Variants in ANO3 observed in about 807,000 individuals in gnomAD.
ANO3 encodes anoctamin 3.
In ANO3, 99 loss-of-function variants were observed where a neutral mutation model predicts 144.8. The ratio of observed to expected loss-of-function variants is 0.68; its 90% CI spans 0.58 to 0.81. ANO3 has a LOEUF of 0.81. Ranked by LOEUF, ANO3 falls within the 30% of genes least tolerant of loss-of-function variation. The pLI, the probability that ANO3 is intolerant of heterozygous loss-of-function variation, is 0.00. For missense variants in ANO3, 905 were observed against 1,202.2 expected (o/e 0.75, Z 3.66); for synonymous variants, 414 against 392.6 (o/e 1.05, Z -0.64).
intron 14 of ANO3, among the ~76,000 whole-genome samples, chr11:26,596,001 G>A (rs1401087554): frequency 6.6e-6 from 1 of 152,096 alleles, no homozygotes; most frequent in Non-Finnish European, 1.5e-5. Context: ...GAAGGCTATG[G>A]GTTGTCAGTG....
chr11:26,496,371 CAA>C (rs1860941135), intron 4 of ANO3, among the ~76,000 whole-genome samples: 1 of 152,084 alleles, frequency 6.6e-6, no homozygotes, highest in African/African-American at 2.4e-5. Context: ...ACCTAGGACA[CAA>C]AAAAGTGCTA....
At chr11:26,509,525 C>G (rs1408255235) in intron 5 of ANO3, among the ~76,000 whole-genome samples, 4 of 152,048 alleles carry the variant, frequency 2.6e-5, no homozygotes, top group Non-Finnish European at 5.9e-5. Flanking sequence ...GTTGGCCAGG[C>G]TGGTCTTGAA....
intron 1 of ANO3, among the ~76,000 whole-genome samples, chr11:26,208,682 A>G (rs1233782149): frequency 6.6e-6 from 1 of 152,212 alleles, no homozygotes; most frequent in African/African-American, 2.4e-5. Context: ...AAATACTAAA[A>G]TTAATATCAA....
rs927240953 is a variant in ANO3 at position 26,632,268 on chromosome 11, C to A, written c.1874-1936C>A. ...TCTTTAAAAATATGTACAAACCAGA[C>A]TGGATGCGGTGAGTCACTCTTGTAA... On this transcript the variant is annotated intron_variant, in intron 18 of 26. Coordinates refer to ENST00000256737, the MANE Select transcript of ANO3 (RefSeq NM_031418.4). Among the ~76,000 whole-genome samples, 4 of 150,298 alleles carry A rather than the reference C, an allele frequency of 2.7e-5. No individual in the cohort carries two copies. The Admixed American group carries it at 2.7e-4, about 10-fold the overall frequency.
intron 1 of ANO3, among the ~76,000 whole-genome samples, chr11:26,280,216 T>C (rs1486946958): frequency 6.6e-6 from 1 of 152,196 alleles, no homozygotes; most frequent in East Asian, 1.9e-4. Flanking sequence ...GATTATTACA[T>C]CACTACAAAG....
rs112803492 is a variant in ANO3 at position 26,579,396 on chromosome 11, C to T, written c.1448-18969C>T. On this transcript the variant is annotated intron_variant, in intron 14 of 26. Transcript: ENST00000256737. ...GGAAGAATCTTGATTTGTTCCTTGG[C>T]TCAAAAGTAGGGACAGAAGGAAAAG... is the stretch of plus-strand genomic sequence containing the variant. 9.0e-3 allele frequency among the ~76,000 whole-genome samples: 1,372 copies of T among 152,246 alleles called. 11 individuals carry two copies. The highest frequency in any genetic ancestry group is 0.031 in the African/African-American group (1,298 of 41,530).
At chr11:26,195,912 C>T (rs937201370) in intron 1 of ANO3, among the ~76,000 whole-genome samples, 3 of 152,074 alleles carry the variant, frequency 2.0e-5, no homozygotes, top group Non-Finnish European at 2.9e-5. Flanking sequence ...AAAAAATGTG[C>T]GAAAAATACC....
chr11:26,597,092 AAGTG>A (rs201576009), intron 14 of ANO3, among the ~76,000 whole-genome samples: 1,965 of 152,298 alleles, frequency 0.013, 46 homozygotes, highest in African/African-American at 0.044. Context: ...ACAGAATAGC[AAGTG>A]AAAGTGGTTC....
At chr11:26,407,068 GTGTGTGTGTATATA>G (rs1400220093) in intron 1 of ANO3, among the ~76,000 whole-genome samples, 1 of 96,424 alleles carries the variant, frequency 1.0e-5, no homozygotes, top group Non-Finnish European at 2.2e-5. Context: ...GTGTGTGTGT[GTGTGTGTGTATATA>G]TATATATATA....
chr11:26,522,334 G>A (rs1231879418), intron 6 of ANO3, among the ~76,000 whole-genome samples: 1 of 152,220 alleles, frequency 6.6e-6, no homozygotes, highest in Non-Finnish European at 1.5e-5. Flanking sequence ...TAAAATAGGA[G>A]CATGGGGGTC....
At chr11:26,278,121 G>A (rs12279576) in intron 1 of ANO3, among the ~76,000 whole-genome samples, 6,014 of 152,076 alleles carry the variant, frequency 0.04, 245 homozygotes, top group African/African-American at 0.11. Context: ...GTGTGTGCCC[G>A]TGTGCTTCCG....
At chr11:26,545,733 A>G (rs376612394) in intron 11 of ANO3, among the ~76,000 whole-genome samples, 1 of 151,868 alleles carries the variant, frequency 6.6e-6, no homozygotes, top group African/African-American at 2.4e-5. Flanking sequence ...AAAAACAGAT[A>G]AAAACAGAGC....
intron 5 of ANO3, among the ~76,000 whole-genome samples, chr11:26,511,719 A>G (rs1187633756): frequency 6.6e-6 from 1 of 152,148 alleles, no homozygotes; most frequent in Non-Finnish European, 1.5e-5. Flanking sequence ...CTTTGAATTG[A>G]GATTTGAAAA....
chr11:26,517,573 A>C, intron 6 of ANO3, among the ~76,000 whole-genome samples: 1 of 152,014 alleles, frequency 6.6e-6, no homozygotes, highest in East Asian at 1.9e-4. Flanking sequence ...CAAAGTATTT[A>C]CTCATATTAA....
chr11:26,230,843 A>G (rs998803949), intron 1 of ANO3, among the ~76,000 whole-genome samples: 1 of 116,196 alleles, frequency 8.6e-6, no homozygotes, highest in Non-Finnish European at 1.8e-5. Context: ...AAAAAAGTTT[A>G]TCTTTTTACA....
At chr11:26,468,088 C>G (rs377002042) in intron 4 of ANO3, among the ~76,000 whole-genome samples, 7 of 152,024 alleles carry the variant, frequency 4.6e-5, no homozygotes, top group East Asian at 2.0e-4. Context: ...CCTCTCTCCA[C>G]CAAGGAGCCA....
In ANO3 at chr11:26,333,818, C is replaced by CTA. The variant is rs1197414942; in HGVS notation, c.46+1498_46+1499dup. On this transcript the variant is annotated intron_variant, in intron 1 of 26. Coordinates refer to ENST00000256737, the MANE Select transcript of ANO3 (RefSeq NM_031418.4). ...CCTAGTATGCACTTCTACTTCAACTCTAAACATTTCAAATAAAGTTAAACT... is the reference window on the plus strand; with the variant it reads ...CCTAGTATGCACTTCTACTTCAACTCTATAAACATTTCAAATAAAGTTAAACT... Among the ~76,000 whole-genome samples the CTA allele has an allele frequency of 4.6e-5, 7 of 152,168 alleles. 1 individual carries two copies. The South Asian group carries it at 1.5e-3, about 32-fold the overall frequency.
intron 1 of ANO3, among the ~76,000 whole-genome samples, chr11:26,376,271 T>C (rs1440618781): frequency 1.3e-5 from 2 of 152,166 alleles, no homozygotes; most frequent in African/African-American, 4.8e-5. Flanking sequence ...GCTTTTAGTT[T>C]TTAGTAACAG....
intron 19 of ANO3, 65 bp from the exon 20 acceptor site, chr11:26,634,948 G>A (rs916438462): frequency 7.5e-7 from 1 of 1,340,160 alleles, no homozygotes; most frequent in Non-Finnish European, 1.1e-6. Flanking sequence ...TCGTTGTGAT[G>A]CCTAAGTAGA....
Sources: allele counts gnomAD v4.1 joint callset (sites outside exome capture counted in the v4.1 genomes callset), GRCh38; gene constraint gnomAD v4.1.1; transcripts MANE v1.5; gene names NCBI Gene and HGNC (gene_info 2026-07-23, HGNC 2026-07-21).